Variants in TTN observed in about 807,000 individuals in gnomAD.
TTN encodes titin.
In TTN, 1,525 loss-of-function variants were observed where a neutral mutation model predicts 3,223.0. The observed-to-expected ratio is 0.47, with a 90% confidence interval of 0.45 to 0.49. The LOEUF is 0.49. Ranked by LOEUF, TTN falls within the 20% of genes least tolerant of loss-of-function variation. The pLI, the probability that TTN is intolerant of heterozygous loss-of-function variation, is 0.00. For synonymous variants in TTN, 14,094 were observed against 15,161.0 expected, an observed-to-expected ratio of 0.93 and a Z score of 5.17; for missense variants, 40,786 against 43,424.0, an observed-to-expected ratio of 0.94 and a Z score of 5.40.
In TTN at chr2:178,767,748, G is replaced by C; in HGVS notation, c.9471+11C>G. On this transcript the variant is annotated intron_variant, in intron 40 of 362. Coordinates refer to ENST00000589042, the MANE Select transcript of TTN (RefSeq NM_001267550.2). The stretch of plus-strand genomic sequence containing the variant: ...GATGATTTTTCAAAACATTTAGTAT[G>C]TAGACAATACCTGAACCTCCTTTTT... The C allele has an allele frequency of 6.2e-7, 1 of 1,613,534 alleles. No individual in the cohort carries two copies. The highest frequency in any genetic ancestry group is 8.5e-7 in the Non-Finnish European group (1 of 1,179,958).
chr2:178,720,988 C>T lies in TTN; in HGVS notation c.23031G>A (p.Gly7677=). ...CATTATGAGCCTCACAAATGTAGTC[C>T]CCGCTGTCTTCAGCACTAGCTTCAT... ...TINEASAEDS[G]DYICEAHNGV... is the part of the protein sequence containing the mutation. The change falls in exon 79 of 363, where the codon GGG becomes GGA. Residue 7677 remains glycine (G), a synonymous_variant. Transcript: ENST00000589042. The T allele has an allele frequency of 6.2e-7, 1 of 1,611,034 alleles. No homozygotes were observed. The highest frequency in any genetic ancestry group is 8.5e-7 in the Non-Finnish European group (1 of 1,177,526).
intron 88 of TTN, among the ~76,000 whole-genome samples, chr2:178,716,877 A>G (rs1369375053): frequency 6.6e-6 from 1 of 152,128 alleles, no homozygotes; most frequent in African/African-American, 2.4e-5. Flanking sequence ...TAGTCTCTTA[A>G]AATGGACTTT....
chr2:178,589,928 T>A lies in TTN; in HGVS notation c.61797A>T (p.Ser20599=), dbSNP rs1384718130. The A allele has an allele frequency of 6.2e-7, 1 of 1,613,292 alleles. No homozygotes were observed. Among genetic ancestry groups the A allele is most frequent in the Admixed American group, 1.7e-5 (1 of 59,960 alleles). The change falls in exon 304 of 363, where the codon TCA becomes TCT. Residue 20599 remains serine, a synonymous_variant. Coordinates refer to ENST00000589042, the MANE Select transcript of TTN (RefSeq NM_001267550.2). ...SWENPLDNGG[S]EITNFIVEYR... ...ATTCTACTATGAAGTTTGTTATTTC[T>A]GAGCCACCATTATCTAGTGGGTTTT...
Position 178,571,000 on chromosome 2 carries a change from C to T in TTN, c.75132G>A (p.Glu25044=), listed in dbSNP as rs1575741574. ...AACGGCCCTCAGGTAATTCTTTCTT[C>T]TCAACAATATAACCAGTGATCTTGC... ...GGSKITGYIV[E]KKELPEGRWM... Residue 25044 remains glutamate, a synonymous_variant, in exon 326 of 363, where the codon GAG becomes GAA. Coordinates refer to ENST00000589042, the MANE Select transcript of TTN (RefSeq NM_001267550.2). 6.2e-7 allele frequency: 1 copy of T among 1,613,278 alleles called. No homozygotes were observed. Among genetic ancestry groups the T allele is most frequent in the Admixed American group, 1.7e-5 (1 of 59,992 alleles).
rs1234787097 is a variant in TTN at position 178,727,726 on chromosome 2, G to A, written c.19852C>T (p.Pro6618Ser). 6.2e-7 allele frequency: 1 copy of A among 1,613,338 alleles called. No homozygotes were observed. The highest frequency in any genetic ancestry group is 2.2e-5 in the East Asian group (1 of 44,838). The change falls in exon 68 of 363, where the codon CCT becomes TCT. Residue 6618 changes from proline to serine, a missense_variant. Coordinates refer to ENST00000589042, the MANE Select transcript of TTN (RefSeq NM_001267550.2). ...CCTTCCAAGCCAATGAAACATTTAG[G>A]ACCTGAGACAAGTTCCACATCATCC... Reference protein sequence around the residue: ...FKDDVELVSGPKCFIGLEGST... With the variant: ...FKDDVELVSGSKCFIGLEGST...
rs760068789 is a variant in TTN, at chr2:178,594,041, C to T, written c.58352G>A (p.Arg19451His). The T allele has an allele frequency of 8.7e-6, 14 of 1,613,362 alleles. No individual in the cohort carries two copies. The highest frequency in any genetic ancestry group is 3.3e-5 in the South Asian group (3 of 91,076). Residue 19451 changes from arginine to histidine, a missense_variant, in exon 297 of 363, where the codon CGT (arginine) becomes CAT (histidine). Transcript: ENST00000589042. ...TLALEKIKAK[R>H]SDSGKYCVVV... ...CACACAGTATTTGCCGGAATCTGAA[C>T]GTTTGGCCTTGATCTTCTCTAAAGC... is the stretch of plus-strand genomic sequence containing the variant.
At chr2:178,786,503 C>A (rs1173776413) in intron 13 of TTN, among the ~76,000 whole-genome samples, 1 of 152,152 alleles carries the variant, frequency 6.6e-6, no homozygotes. Flanking sequence ...TGGTTCTTTT[C>A]ACTGATTATT....
chr2:178,777,004 A>G lies in TTN; in HGVS notation c.4860T>C (p.Thr1620=), dbSNP rs890860894. 1.2e-6 allele frequency: 2 copies of G among 1,613,948 alleles called. No homozygotes were observed. Among genetic ancestry groups the G allele is most frequent in the African/African-American group, 2.7e-5 (2 of 74,924 alleles). The change falls in exon 28 of 363, where the codon ACT becomes ACC. Residue 1620 remains threonine (T), a synonymous_variant. Transcript: ENST00000589042. ...TATACCAGGCAGAATCTTGGCTGAC[A>G]GTGGAATCGATTTTAAGGGCAGCTT... ...KGEAALKIDS[T]VSQDSAWYTA...
chr2:178,539,060 C>G lies in TTN; in HGVS notation c.98875G>C (p.Val32959Leu). The G allele has an allele frequency of 4.3e-6, 7 of 1,613,774 alleles. No homozygotes were observed. The highest frequency in any genetic ancestry group is 5.9e-6 in the Non-Finnish European group (7 of 1,179,744). Residue 32959 changes from valine (V) to leucine (L), a missense_variant, in exon 353 of 363, where the codon GTC (valine) becomes CTC (leucine). Physicochemically the swap from Val to Leu is conservative, Grantham distance 32 (BLOSUM62 1). Transcript: ENST00000589042. ...KTQITTTMYTVTGLVPDAEYQ... is the reference protein window; with the variant it reads ...KTQITTTMYTLTGLVPDAEYQ... ...TCAGCATCGGGAACAAGCCCTGTGA[C>G]AGTGTACATTGTGGTGGTGATCTGA... is the stretch of plus-strand genomic sequence containing the variant.
rs375099780 is a variant in TTN at position 178,616,972 on chromosome 2, C to T, written c.47917G>A (p.Glu15973Lys). Residue 15973 changes from glutamate to lysine, a missense_variant, in exon 256 of 363, where the codon GAA becomes AAA. Physicochemically the swap from Glu to Lys is moderately conservative, Grantham distance 56 (BLOSUM62 1). Coordinates refer to ENST00000589042, the MANE Select transcript of TTN (RefSeq NM_001267550.2). Reference protein sequence around the residue: ...MDLSAFKDGLEVIVPNPITIL... With the variant: ...MDLSAFKDGLKVIVPNPITIL... ...GTGATAGGATTTGGGACAATAACTTCCAGACCATCTTTAAATGCACTTAAA... is the reference window on the plus strand; with the variant it reads ...GTGATAGGATTTGGGACAATAACTTTCAGACCATCTTTAAATGCACTTAAA... 5.6e-6 allele frequency: 9 copies of T among 1,612,482 alleles called. No homozygotes were observed. In the African/African-American group the frequency reaches 1.2e-4, roughly 22 times the overall value.
In TTN at chr2:178,714,995, C is replaced by T. The variant is rs1013992395; in HGVS notation, c.26191G>A (p.Ala8731Thr). The change falls in exon 90 of 363, where the codon GCT becomes ACT. Residue 8731 changes from alanine to threonine, a missense_variant. Transcript: ENST00000589042. ...VGSDTCVGSI[A>T]LKAPPRFVKK... ...ATGCAGTCCATCTAACCTTTGAGAG[C>T]GATGGAACCAACGCAAGTGTCGCTT... The T allele has an allele frequency of 1.0e-5, 16 of 1,607,156 alleles. No homozygotes were observed. The highest frequency in any genetic ancestry group is 8.4e-5 in the Admixed American group (5 of 59,794).
intron 1 of TTN, among the ~76,000 whole-genome samples, chr2:178,805,402 A>T (rs1432889166): frequency 6.6e-6 from 1 of 151,968 alleles, no homozygotes; most frequent in East Asian, 1.9e-4. Flanking sequence ...TTAGTAAGTG[A>T]AAATTATTTT....
chr2:178,769,327 C>T (rs2091087766), intron 37 of TTN, among the ~76,000 whole-genome samples: 1 of 151,950 alleles, frequency 6.6e-6, no homozygotes, highest in Admixed American at 6.6e-5. Context: ...GATTGTGGCT[C>T]ACTGCAGCCT....
intron 215 of TTN, 38 bp downstream of exon 215, chr2:178,647,026 G>C (rs1314519308): frequency 2.6e-6 from 2 of 766,634 alleles, no homozygotes; most frequent in Non-Finnish European, 3.5e-6. Context: ...GAATCTTCAG[G>C]AGATTAAAAA....
chr2:178,747,969 C>T (rs1172029654), intron 47 of TTN: 38 of 1,613,040 alleles, frequency 2.4e-5, no homozygotes, highest in Non-Finnish European at 3.2e-5. Flanking sequence ...CCTCTGTGGT[C>T]TTCCAAAGTG....
chr2:178,596,667 C>T (rs1436231549), intron 294 of TTN, among the ~76,000 whole-genome samples: 2 of 152,020 alleles, frequency 1.3e-5, no homozygotes, highest in Admixed American at 6.6e-5. Flanking sequence ...TTGAAACTAA[C>T]CTGAAAGTTT....
At chr2:178,734,240 A>C in intron 52 of TTN, 88 bp downstream of exon 52, 17 of 1,440,582 alleles carry the variant, frequency 1.2e-5, no homozygotes, top group Non-Finnish European at 1.6e-5. Context: ...GGATAGGACA[A>C]GAGAAGAAAG....
At position 178,697,106 on chromosome 2, in the gene TTN, T is replaced by A. The variant is rs1403167603; in HGVS notation, c.30802+15A>T. The A allele has an allele frequency of 1.3e-6, 2 of 1,528,376 alleles. No homozygotes were observed. The highest frequency in any genetic ancestry group is 3.9e-5 in the Admixed American group (2 of 51,072). The allele number at this position is 1,528,376 out of a possible 1,614,324, so 94.7% of individuals were successfully genotyped here. On this transcript the variant is annotated intron_variant, in intron 113 of 362. Coordinates refer to ENST00000589042, the MANE Select transcript of TTN (RefSeq NM_001267550.2). Reference sequence around the variant, plus strand: ...TCAGGAATAAACAGAATAAAAATAATTTATCTTTATTTACCTTTTGCTGGA... The same window carrying A: ...TCAGGAATAAACAGAATAAAAATAAATTATCTTTATTTACCTTTTGCTGGA...
At position 178,608,031 on chromosome 2, in the gene TTN, T is replaced by C; in HGVS notation, c.52756A>G (p.Ile17586Val). Reference protein sequence around the residue: ...PRVTDTSSTTIELEWEPPAFN... With the variant: ...PRVTDTSSTTVELEWEPPAFN... ...GCTGGGGGTTCCCATTCTAGTTCAA[T>C]AGTTGTAGAGCTTGTGTCAGTGACT... The change falls in exon 276 of 363, where the codon ATT becomes GTT. Residue 17586 changes from isoleucine to valine, a missense_variant. Ile to Val is a conservative substitution (Grantham distance 29, BLOSUM62 3). Transcript: ENST00000589042. The C allele has an allele frequency of 6.2e-7, 1 of 1,612,808 alleles. No homozygotes were observed. The highest frequency in any genetic ancestry group is 8.5e-7 in the Non-Finnish European group (1 of 1,179,298).
Sources: allele counts gnomAD v4.1 joint callset (sites outside exome capture counted in the v4.1 genomes callset), GRCh38; gene constraint gnomAD v4.1.1; transcripts MANE v1.5; gene names NCBI Gene and HGNC (gene_info 2026-07-23, HGNC 2026-07-21).